SMAD3: variants seen among roughly 807,000 people sequenced by gnomAD.
The protein encoded by SMAD3 is SMAD family member 3, also known as MAD homolog 3.
SMAD3 carries 12 observed loss-of-function variants against 51.8 expected under a neutral mutation model. That is an observed-to-expected ratio of 0.23 (90% CI 0.15 to 0.38). The LOEUF (loss-of-function observed/expected upper bound fraction) is 0.38. Among genes scored for constraint, SMAD3 ranks in the 10% least tolerant of loss-of-function variants. SMAD3 has a pLI of 1.00. For synonymous variants in SMAD3, 238 were observed against 227.7 expected, an observed-to-expected ratio of 1.05 and a Z score of -0.41; for missense variants, 294 against 565.6, an observed-to-expected ratio of 0.52 and a Z score of 4.87.
rs75819956 is a variant in SMAD3, at chr15:67,146,499, TC to T, written c.207-18394del. The stretch of plus-strand genomic sequence containing the variant: ...TAGTGTGGAGGCTGGAGGGGGCTGT[TC>T]CATGGCACCAGGGTTGAGTGGGAGT... On this transcript the variant is annotated intron_variant, in intron 1 of 8. Transcript: ENST00000327367. Among the ~76,000 whole-genome samples, 181 of 152,232 alleles carry T rather than the reference TC, an allele frequency of 1.2e-3. 4 individuals carry two copies. The East Asian group carries it at 0.033, about 28-fold the overall frequency.
chr15:67,152,955 A>G (rs1962185985), intron 1 of SMAD3, among the ~76,000 whole-genome samples: 1 of 152,198 alleles, frequency 6.6e-6, no homozygotes, highest in African/African-American at 2.4e-5. Flanking sequence ...CACAGCCAAA[A>G]GAGAATCTCT....
intron 4 of SMAD3, among the ~76,000 whole-genome samples, chr15:67,169,181 G>A (rs544884430): frequency 4.0e-4 from 60 of 151,872 alleles, no homozygotes; most frequent in Admixed American, 1.0e-3. Flanking sequence ...GAAGTTAAAC[G>A]GCTTAGCCAA....
At chr15:67,101,822 C>T (rs1960764517) in intron 1 of SMAD3, among the ~76,000 whole-genome samples, 2 of 152,222 alleles carry the variant, frequency 1.3e-5, no homozygotes, top group South Asian at 4.1e-4. Context: ...TTGGTGTAAG[C>T]ATCTGCATGA....
intron 1 of SMAD3, among the ~76,000 whole-genome samples, chr15:67,143,690 T>G (rs1961895971): frequency 1.3e-5 from 2 of 152,200 alleles, no homozygotes; most frequent in Non-Finnish European, 2.9e-5. Context: ...CACCTCGACC[T>G]CCCAAAGTGG....
At chr15:67,183,888 C>T (rs1448919681) in intron 6 of SMAD3, among the ~76,000 whole-genome samples, 4 of 152,096 alleles carry the variant, frequency 2.6e-5, no homozygotes, top group African/African-American at 9.7e-5. Context: ...AAGGGCATAG[C>T]GTTAAACCAT....
At chr15:67,102,099 G>C in intron 1 of SMAD3, among the ~76,000 whole-genome samples, 1 of 152,184 alleles carries the variant, frequency 6.6e-6, no homozygotes, top group East Asian at 1.9e-4. Context: ...ACCAGGTCCT[G>C]CCTTCCGGAA....
At chr15:67,164,316 G>GAA (rs59880604) in intron 1 of SMAD3, among the ~76,000 whole-genome samples, 2,261 of 83,528 alleles carry the variant, frequency 0.027, 122 homozygotes, top group Non-Finnish European at 0.04. Flanking sequence ...CTCCGTCTCA[G>GAA]AAAAAAAAAA....
intron 6 of SMAD3, among the ~76,000 whole-genome samples, chr15:67,183,289 C>T (rs900949163): frequency 4.6e-5 from 7 of 151,774 alleles, no homozygotes; most frequent in African/African-American, 1.7e-4. Flanking sequence ...GGTGATCTGC[C>T]CGCCTCAGCC....
intron 1 of SMAD3, among the ~76,000 whole-genome samples, chr15:67,112,242 T>C (rs529252709): frequency 7.3e-6 from 1 of 136,566 alleles, no homozygotes; most frequent in African/African-American, 2.7e-5. Context: ...CTCCGCCACC[T>C]AGGTTCAAGC....
chr15:67,099,096 T>C (rs535864984), intron 1 of SMAD3: 14 of 685,756 alleles, frequency 2.0e-5, no homozygotes, highest in African/African-American at 8.8e-5. Context: ...TTAGAGAAAG[T>C]GGCTGTGACT....
intron 8 of SMAD3, 33 bp downstream of exon 8, chr15:67,187,542 C>G: frequency 1.9e-6 from 3 of 1,613,700 alleles, no homozygotes; most frequent in Non-Finnish European, 2.5e-6. Flanking sequence ...ATCAGGGGAC[C>G]CAACTCCAGG....
chr15:67,166,849 C>T lies in SMAD3; in HGVS notation c.603C>T (p.Asp201=), dbSNP rs774814963. Residue 201 remains aspartate, a synonymous_variant, in exon 4 of 9, where the codon GAC becomes GAT. Transcript: ENST00000327367. ...ACCACCAGATGAACCACAGCATGGA[C>T]GCAGGTCAGTCATGCAGGGTCATGC... is the stretch of plus-strand genomic sequence containing the variant. ...TSDHQMNHSM[D]AGSPNLSPNP... 1.9e-5 allele frequency: 30 copies of T among 1,588,884 alleles called. No individual in the cohort carries two copies. The highest frequency in any genetic ancestry group is 5.4e-5 in the African/African-American group (4 of 74,606).
At chr15:67,164,514 C>T (rs959137464) in intron 1 of SMAD3, among the ~76,000 whole-genome samples, 1 of 152,216 alleles carries the variant, frequency 6.6e-6, no homozygotes, top group Non-Finnish European at 1.5e-5. Context: ...GCCCTGTCCC[C>T]TCTCCACACC....
At chr15:67,067,831 G>C (rs1043810988) in intron 1 of SMAD3, among the ~76,000 whole-genome samples, 2 of 152,128 alleles carry the variant, frequency 1.3e-5, no homozygotes, top group African/African-American at 4.8e-5. Flanking sequence ...TGATGTGATG[G>C]TCAGAGAGAC....
At chr15:67,080,279 T>C (rs1005924903) in intron 1 of SMAD3, among the ~76,000 whole-genome samples, 2 of 152,256 alleles carry the variant, frequency 1.3e-5, no homozygotes, top group African/African-American at 4.8e-5. Context: ...ATTTTAAAAC[T>C]GGACGAGATG....
rs1433462543 is a variant in SMAD3 at position 67,193,113 on chromosome 15, C to G, written c.*2577C>G. 3.0e-5 allele frequency: 7 copies of G among 233,336 alleles called. No homozygotes were observed. Among genetic ancestry groups the G allele is most frequent in the Middle Eastern group, 1.3e-3 (1 of 786 alleles). The allele number at this position is 233,336 out of a possible 1,614,324, so 14.5% of individuals were successfully genotyped here. A position where few individuals can be genotyped will look rare whatever the true frequency, so the allele number is the denominator to read the frequency against. On this transcript the variant is annotated 3_prime_UTR_variant, in exon 9 of 9. Transcript: ENST00000327367. ...GTAACATTAGTGTCCTTCCTTGAAG[C>G]CACAAGCTAGTTTTCTTAGTTTTAA...
At chr15:67,179,053 C>T (rs1962981938) in intron 5 of SMAD3, among the ~76,000 whole-genome samples, 1 of 152,172 alleles carries the variant, frequency 6.6e-6, no homozygotes, top group South Asian at 2.1e-4. Context: ...GTTTGATGCG[C>T]GCCCTGCACC....
intron 1 of SMAD3, among the ~76,000 whole-genome samples, chr15:67,070,182 C>A (rs1960021509): frequency 6.6e-6 from 1 of 152,166 alleles, no homozygotes; most frequent in African/African-American, 2.4e-5. Flanking sequence ...CTTCAGAGCA[C>A]CATGCCCGTG....
chr15:67,190,809 A>G lies in SMAD3; in HGVS notation c.*273A>G, dbSNP rs1198749569. ...CTCTGGTGGCTTAAGTGAGCAGAACAGGTAGTATTACACCACCGGCCCCCT... is the reference window on the plus strand; with the variant it reads ...CTCTGGTGGCTTAAGTGAGCAGAACGGGTAGTATTACACCACCGGCCCCCT... On this transcript the variant is annotated 3_prime_UTR_variant, in exon 9 of 9. Coordinates refer to ENST00000327367, the MANE Select transcript of SMAD3 (RefSeq NM_005902.4). The G allele has an allele frequency of 7.6e-6, 4 of 523,128 alleles. No homozygotes were observed. Among genetic ancestry groups the G allele is most frequent in the African/African-American group, 7.6e-5 (4 of 52,806 alleles). The allele number at this position is 523,128 out of a possible 1,614,324, so 32.4% of individuals were successfully genotyped here.
Sources: allele counts gnomAD v4.1 joint callset (sites outside exome capture counted in the v4.1 genomes callset), GRCh38; gene constraint gnomAD v4.1.1; transcripts MANE v1.5; gene names NCBI Gene and HGNC (gene_info 2026-07-23, HGNC 2026-07-21).